ERAP1: variants seen among roughly 807,000 people sequenced by gnomAD.
The protein encoded by ERAP1 is adipocyte-derived leucine aminopeptidase.
In ERAP1, 86 loss-of-function variants were observed where a neutral mutation model predicts 103.7. The ratio of observed to expected loss-of-function variants is 0.83; its 90% CI spans 0.70 to 0.99. ERAP1 has a LOEUF of 0.99. Among genes scored for constraint, ERAP1 ranks in the 50% least tolerant of loss-of-function variants. The pLI, the probability that ERAP1 is intolerant of heterozygous loss-of-function variation, is 0.00. For synonymous variants in ERAP1, 398 were observed against 402.4 expected, an observed-to-expected ratio of 0.99 and a Z score of 0.13; for missense variants, 1,009 against 1,128.4, an observed-to-expected ratio of 0.89 and a Z score of 1.52.
At chr5:96,826,812 A>G in the ERAP1 span, among the ~76,000 whole-genome samples, 19 of 152,256 alleles carry the variant, frequency 1.2e-4, no homozygotes, top group South Asian at 1.7e-3. Flanking sequence ...GTGTCTCCTT[A>G]ATTTTGTTAC....
chr5:96,923,664 A>G, the ERAP1 span, among the ~76,000 whole-genome samples: 1 of 151,166 alleles, frequency 6.6e-6, no homozygotes, highest in Non-Finnish European at 1.5e-5. Context: ...ACTGCACTCC[A>G]GCCTGGGCGA....
At chr5:96,917,315 T>A in the ERAP1 span, 1 of 565,888 alleles carries the variant, frequency 1.8e-6, no homozygotes, top group Admixed American at 3.5e-5. Context: ...AGTCAGGGGT[T>A]CTGGCATGTT....
chr5:96,845,775 C>G, the ERAP1 span, among the ~76,000 whole-genome samples: 1 of 152,148 alleles, frequency 6.6e-6, no homozygotes, highest in Non-Finnish European at 1.5e-5. Flanking sequence ...GATTAGATAT[C>G]TCTAAGACCT....
the ERAP1 span, among the ~76,000 whole-genome samples, chr5:96,864,263 T>C: frequency 6.6e-6 from 1 of 152,214 alleles, no homozygotes; most frequent in Non-Finnish European, 1.5e-5. Flanking sequence ...AGCAATGAAA[T>C]TGCCATCGTT....
At chr5:96,866,119 G>A in the ERAP1 span, among the ~76,000 whole-genome samples, 1 of 152,148 alleles carries the variant, frequency 6.6e-6, no homozygotes. Flanking sequence ...GCTTAAACAA[G>A]TACAAAGCCT....
At chr5:96,884,054 CTATCTATCT>C in the ERAP1 span, 1 of 583,596 alleles carries the variant, frequency 1.7e-6, no homozygotes, top group Non-Finnish European at 2.9e-6. Flanking sequence ...ATCTATCTAT[CTATCTATCT>C]ATCTATCTAT....
chr5:96,860,730 A>AG, the ERAP1 span, among the ~76,000 whole-genome samples: 2 of 152,110 alleles, frequency 1.3e-5, no homozygotes, highest in Non-Finnish European at 2.9e-5. Flanking sequence ...GTGGAATAAA[A>AG]GGGGGAGCTA....
the ERAP1 span, among the ~76,000 whole-genome samples, chr5:96,915,272 G>A: frequency 1.3e-5 from 2 of 152,046 alleles, no homozygotes; most frequent in African/African-American, 2.4e-5. Flanking sequence ...GCCTCCCAAA[G>A]TTCTGGGATT....
At chr5:96,824,990 C>T in the ERAP1 span, among the ~76,000 whole-genome samples, 2 of 152,202 alleles carry the variant, frequency 1.3e-5, no homozygotes, top group African/African-American at 4.8e-5. Flanking sequence ...CAGTGGGCTG[C>T]GATCATCACG....
At chr5:96,761,681 CAG>C (rs939452679) in exon 20 of ERAP1, 2 of 152,032 alleles carry the variant, frequency 1.3e-5, no homozygotes, top group African/African-American at 2.4e-5. Context: ...TATTTTTAAA[CAG>C]AAATTATTTC....
the ERAP1 span, among the ~76,000 whole-genome samples, chr5:96,872,001 CAT>C: frequency 6.6e-6 from 1 of 152,108 alleles, no homozygotes; most frequent in Non-Finnish European, 1.5e-5. Context: ...TTTATACTAA[CAT>C]AAACTTTCAC....
At chr5:96,850,045 T>C in the ERAP1 span, among the ~76,000 whole-genome samples, 2 of 152,302 alleles carry the variant, frequency 1.3e-5, no homozygotes, top group South Asian at 2.1e-4. Flanking sequence ...GATATTCATA[T>C]GCAGAAAAAT....
chr5:96,908,863 C>T, the ERAP1 span: 3 of 1,258,606 alleles, frequency 2.4e-6, no homozygotes, highest in Non-Finnish European at 3.3e-6. Context: ...TAATGACCTA[C>T]TTCTGTTATT....
intron 1 of ERAP1, among the ~76,000 whole-genome samples, chr5:96,807,318 C>T (rs1244411851): frequency 6.6e-6 from 1 of 152,188 alleles, no homozygotes; most frequent in East Asian, 1.9e-4. Context: ...CACACACGGC[C>T]CGCGCATCCC....
At chr5:96,780,577 T>C in intron 17 of ERAP1, 73 bp from the exon 18 acceptor site, 1 of 1,156,342 alleles carries the variant, frequency 8.6e-7, no homozygotes, top group Non-Finnish European at 1.3e-6. Flanking sequence ...GGGCCTCCTA[T>C]ATATAATAGC....
chr5:96,886,832 C>T, the ERAP1 span: 1 of 1,351,322 alleles, frequency 7.4e-7, no homozygotes, highest in Admixed American at 2.8e-5. Flanking sequence ...AGAAAAGTGT[C>T]CTGAGAGCAA....
At chr5:96,908,428 C>G in the ERAP1 span, among the ~76,000 whole-genome samples, 4 of 152,130 alleles carry the variant, frequency 2.6e-5, no homozygotes, top group African/African-American at 9.7e-5. Flanking sequence ...GATGAAAATA[C>G]TTGTTTTGTC....
the ERAP1 span, among the ~76,000 whole-genome samples, chr5:96,862,308 G>C: frequency 2.6e-5 from 4 of 152,138 alleles, no homozygotes; most frequent in Non-Finnish European, 4.4e-5. Flanking sequence ...CTTTACAAAA[G>C]GTGATACTAT....
At chr5:96,834,369 A>G in the ERAP1 span, among the ~76,000 whole-genome samples, 83 of 152,316 alleles carry the variant, frequency 5.4e-4, no homozygotes, top group South Asian at 8.1e-3. Flanking sequence ...TCAGTTTTCT[A>G]ATCTTCAGTA....
Sources: allele counts gnomAD v4.1 joint callset (sites outside exome capture counted in the v4.1 genomes callset), GRCh38; gene constraint gnomAD v4.1.1; transcripts MANE v1.5; gene names NCBI Gene and HGNC (gene_info 2026-07-23, HGNC 2026-07-21).